Variants in SENP6 observed in about 807,000 individuals in gnomAD.
SENP6 encodes the protein sentrin-specific protease 6.
SENP6 carries 41 observed loss-of-function variants against 134.5 expected under a neutral mutation model. The observed-to-expected ratio is 0.30, with a 90% CI of 0.24 to 0.40. The LOEUF is 0.40. SENP6 is among the 10% of genes least tolerant of loss of function. SENP6 has a pLI of 1.00. For synonymous variants in SENP6, 395 were observed against 429.8 expected (o/e 0.92, Z 1.00); for missense variants, 1,248 against 1,312.5 (o/e 0.95, Z 0.76).
In SENP6 at chr6:75,717,804, T is replaced by C. The variant is rs552607052; in HGVS notation, c.*2210T>C. 6.6e-6 allele frequency: 1 copy of C among 152,328 alleles called. No individual in the cohort carries two copies. Among genetic ancestry groups the C allele is most frequent in the East Asian group, 1.9e-4 (1 of 5,192 alleles). 9.4% of individuals were successfully genotyped at this position (152,328 alleles called of 1,614,324 possible). ...CTGGTGTCTTAACTAATTAGATAGA[T>C]CTGTTGTATTGGTTTTCTTGTTGGA... On this transcript the variant is annotated 3_prime_UTR_variant, in exon 24 of 24. Transcript: ENST00000447266.
At chr6:75,623,762 C>A in intron 2 of SENP6, 138 bp from the exon 3 acceptor site, 1 of 611,822 alleles carries the variant, frequency 1.6e-6, no homozygotes, top group Admixed American at 3.2e-5. Context: ...ATATGGCCTG[C>A]AAAGACTGTG....
chr6:75,678,329 A>G, intron 14 of SENP6: 1 of 341,212 alleles, frequency 2.9e-6, no homozygotes, highest in Non-Finnish European at 5.2e-6. Flanking sequence ...TAGATAGTAG[A>G]GAGAGAAGTA....
intron 7 of SENP6, among the ~76,000 whole-genome samples, chr6:75,658,974 CAAAAAAAAAAAAAA>C (rs35016433): frequency 9.7e-5 from 7 of 71,942 alleles, no homozygotes; most frequent in African/African-American, 1.4e-4. Flanking sequence ...CTTGTCTCCC[CAAAAAAAAAAAAAA>C]AAAAAAAAAA....
chr6:75,704,785 A>G (rs2149901702), intron 19 of SENP6, among the ~76,000 whole-genome samples: 1 of 152,338 alleles, frequency 6.6e-6, no homozygotes, highest in South Asian at 2.1e-4. Context: ...GGCTTTCTGC[A>G]GCGCATTGTG....
chr6:75,697,437 A>G lies in SENP6; in HGVS notation c.2208A>G (p.Lys736=). 1 of 1,609,302 alleles carries G rather than the reference A, an allele frequency of 6.2e-7. No homozygotes were observed. The highest frequency in any genetic ancestry group is 2.2e-5 in the East Asian group (1 of 44,822). Reference sequence around the variant, plus strand: ...CTCTTTCTTACAGAATACAGCAAAAACGGCATGGGAGAGTAAAAACATGGA... The same window carrying G: ...CTCTTTCTTACAGAATACAGCAAAAGCGGCATGGGAGAGTAAAAACATGGA... ...HETTNLSIQQ[K]RHGRVKTWTR... Residue 736 remains lysine (K), a synonymous_variant, in exon 18 of 24, where the codon AAA becomes AAG. Coordinates refer to ENST00000447266, the MANE Select transcript of SENP6 (RefSeq NM_015571.4).
rs368759740 is a variant in SENP6 at position 75,631,751 on chromosome 6, G to A, written c.208-1830G>A. Among the ~76,000 whole-genome samples, 4 of 152,334 alleles carry A rather than the reference G, an allele frequency of 2.6e-5. No homozygotes were observed. In the East Asian group the frequency reaches 7.7e-4, roughly 29 times the overall value. ...CAACAGAGACTATATGATCAAGAAA[G>A]CCTACAATACTTACTTTTAGCCCTT... On this transcript the variant is annotated intron_variant, in intron 3 of 23. Coordinates refer to ENST00000447266, the MANE Select transcript of SENP6 (RefSeq NM_015571.4).
Position 75,702,918 on chromosome 6 carries a change from A to G in SENP6, c.2562A>G (p.Ile854Met), listed in dbSNP as rs746891323. ...GTGACCCTCGTTATAAGAGAAACAT[A>G]TGCAGTGTAAAATACAGTGTGAAAA... The part of the protein sequence containing the change: ...EESDPRYKRN[I>M]CSVKYSVKKI... The change falls in exon 19 of 24, where the codon ATA becomes ATG. Residue 854 changes from isoleucine (I) to methionine (M), a missense_variant. Ile to Met is a conservative substitution (Grantham distance 10, BLOSUM62 1). This residue lies in a region of SENP6 where 386 missense variants were observed against 395.0 expected (regional missense o/e 0.98). Coordinates refer to ENST00000447266, the MANE Select transcript of SENP6 (RefSeq NM_015571.4). 41 of 1,614,172 alleles carry G rather than the reference A, an allele frequency of 2.5e-5. No homozygotes were observed. The East Asian group carries it at 6.2e-4, about 25-fold the overall frequency.
intron 3 of SENP6, among the ~76,000 whole-genome samples, chr6:75,626,466 C>T (rs749978579): frequency 6.6e-6 from 1 of 152,006 alleles, no homozygotes; most frequent in African/African-American, 2.4e-5. Flanking sequence ...ATTTACAAAT[C>T]TTTATCATCC....
At chr6:75,603,384 T>C (rs1353549033) in intron 1 of SENP6, among the ~76,000 whole-genome samples, 1 of 152,212 alleles carries the variant, frequency 6.6e-6, no homozygotes, top group East Asian at 1.9e-4. Flanking sequence ...ATTGTAATTG[T>C]AGCCCAAGAA....
intron 19 of SENP6, among the ~76,000 whole-genome samples, 184 bp from the exon 20 acceptor site, chr6:75,709,343 A>G (rs1425399726): frequency 6.6e-6 from 1 of 152,208 alleles, no homozygotes. Flanking sequence ...AAACAACTGT[A>G]ATTGACATGT....
intron 7 of SENP6, among the ~76,000 whole-genome samples, chr6:75,648,988 C>T (rs1206722026): frequency 6.6e-6 from 1 of 152,098 alleles, no homozygotes; most frequent in Non-Finnish European, 1.5e-5. Flanking sequence ...CAGAACTGTA[C>T]AAAAGGTATT....
intron 1 of SENP6, among the ~76,000 whole-genome samples, chr6:75,604,037 A>G (rs186832105): frequency 6.6e-6 from 1 of 152,294 alleles, no homozygotes; most frequent in East Asian, 1.9e-4. Flanking sequence ...ATTGGAAACA[A>G]AAGATGGCTT....
rs572846828 is a variant in SENP6, at chr6:75,695,270, T to A, written c.2076-534T>A. Among the ~76,000 whole-genome samples, 73 of 152,352 alleles carry A rather than the reference T, an allele frequency of 4.8e-4. 2 individuals are homozygous for A. In the South Asian group the frequency reaches 0.01, roughly 21 times the overall value. On this transcript the variant is annotated intron_variant, in intron 16 of 23. Transcript: ENST00000447266. ...CTCAATTTCAGCTAACTGCATAGAA[T>A]GTGTCCTTGTTTTAAAACATTAGAT... is the stretch of plus-strand genomic sequence containing the variant.
chr6:75,689,657 T>C (rs1269624366), intron 16 of SENP6, among the ~76,000 whole-genome samples: 2 of 152,236 alleles, frequency 1.3e-5, no homozygotes, highest in East Asian at 3.8e-4. Flanking sequence ...GTATTTTTAC[T>C]GTACCTTTTC....
chr6:75,606,418 C>A (rs1309631607), intron 1 of SENP6, among the ~76,000 whole-genome samples: 1 of 152,164 alleles, frequency 6.6e-6, no homozygotes, highest in Non-Finnish European at 1.5e-5. Context: ...GCAGGTTGCT[C>A]CCCTGTATTT....
At chr6:75,658,744 G>C (rs1022380649) in intron 7 of SENP6, among the ~76,000 whole-genome samples, 4 of 151,732 alleles carry the variant, frequency 2.6e-5, no homozygotes, top group African/African-American at 9.7e-5. Flanking sequence ...ACTACTCTTA[G>C]AGTAAGTGAC....
At position 75,716,956 on chromosome 6, in the gene SENP6, GTATTAACAACAACCAAAAAA is replaced by G. The variant is rs1297476126; in HGVS notation, c.*1366_*1385del. The G allele has an allele frequency of 6.6e-6, 1 of 151,912 alleles. No homozygotes were observed. Among genetic ancestry groups the G allele is most frequent in the Non-Finnish European group, 1.5e-5 (1 of 67,860 alleles). 9.4% of individuals were successfully genotyped at this position (151,912 alleles called of 1,614,324 possible). On this transcript the variant is annotated 3_prime_UTR_variant, in exon 24 of 24. Transcript: ENST00000447266. ...ATGGGTGGGTTCAGGGTGAATGGGAGTATTAACAACAACCAAAAAATATCTATTGAGACACAGTAGAGTCT... is the reference window on the plus strand; with the variant it reads ...ATGGGTGGGTTCAGGGTGAATGGGAGTATCTATTGAGACACAGTAGAGTCT...
intron 16 of SENP6, among the ~76,000 whole-genome samples, chr6:75,685,785 T>C (rs1264340257): frequency 6.6e-6 from 1 of 152,246 alleles, no homozygotes; most frequent in African/African-American, 2.4e-5. Flanking sequence ...TCTATTCTTT[T>C]ACATTTGCTG....
chr6:75,704,347 C>T (rs1458479228), intron 19 of SENP6, among the ~76,000 whole-genome samples: 1 of 152,128 alleles, frequency 6.6e-6, no homozygotes, highest in Non-Finnish European at 1.5e-5. Flanking sequence ...AACATGTGAG[C>T]AAAGGAATCT....
Sources: gnomAD v4.1 joint callset for allele counts (sites outside exome capture counted in the v4.1 genomes callset) on GRCh38, gnomAD v4.1.1 for gene constraint, gnomAD v4.1.1 regional missense constraint, MANE v1.5 for transcripts, NCBI Gene and HGNC (gene_info 2026-07-23, HGNC 2026-07-21) for gene names.